The following RFX7 variants were observed in gnomAD, a reference collection of about 807,000 sequenced individuals.
The protein encoded by RFX7 is DNA-binding protein RFX7.
A neutral mutation model predicts 111.8 loss-of-function variants in RFX7; 26 were observed. That is an observed-to-expected ratio of 0.23 (90% confidence interval 0.17 to 0.32). The LOEUF (loss-of-function observed/expected upper bound fraction) is 0.32. Ranked by LOEUF, RFX7 falls within the 10% of genes least tolerant of loss-of-function variation. RFX7 has a pLI of 1.00. For synonymous variants in RFX7, 624 were observed against 624.4 expected, an observed-to-expected ratio of 1.00 and a Z score of 0.01; for missense variants, 1,573 against 1,772.9, an observed-to-expected ratio of 0.89 and a Z score of 2.02.
At chr15:56,141,306 C>T (rs1353588700) in intron 5 of RFX7, among the ~76,000 whole-genome samples, 3 of 151,952 alleles carry the variant, frequency 2.0e-5, no homozygotes, top group Non-Finnish European at 4.4e-5. Flanking sequence ...GTTAAAGCTG[C>T]AGTGAGCTGT....
chr15:56,122,847 A>G (rs1330415879), intron 5 of RFX7, among the ~76,000 whole-genome samples: 1 of 152,018 alleles, frequency 6.6e-6, no homozygotes, highest in Non-Finnish European at 1.5e-5. Flanking sequence ...GGTACTGCCA[A>G]TGTTCACTTA....
At position 56,214,339 on chromosome 15, in the gene RFX7, C is replaced by T. The variant is rs183579377; in HGVS notation, c.161+28786G>A. On this transcript the variant is annotated intron_variant, in intron 2 of 9. Transcript: ENST00000559447. ...AATATATTAAGAAATAAAAAATCTGCGATATTTATTTCAATGAACATGGAA... is the reference window on the plus strand; with the variant it reads ...AATATATTAAGAAATAAAAAATCTGTGATATTTATTTCAATGAACATGGAA... 1.7e-3 allele frequency among the ~76,000 whole-genome samples: 251 copies of T among 151,990 alleles called. 1 individual carries two copies. The highest frequency in any genetic ancestry group is 5.5e-3 in the African/African-American group (228 of 41,438).
chr15:56,166,869 C>G (rs1250769523), intron 3 of RFX7, among the ~76,000 whole-genome samples: 1 of 152,140 alleles, frequency 6.6e-6, no homozygotes, highest in Non-Finnish European at 1.5e-5. Context: ...TCCACCCAGC[C>G]TGAGTAGCTG....
At chr15:56,177,355 T>G (rs2042913878) in intron 3 of RFX7, among the ~76,000 whole-genome samples, 1 of 152,126 alleles carries the variant, frequency 6.6e-6, no homozygotes, top group African/African-American at 2.4e-5. Context: ...GGAGTATCAT[T>G]TATCGTTATC....
intron 3 of RFX7, among the ~76,000 whole-genome samples, chr15:56,150,753 T>C (rs960964464): frequency 6.6e-6 from 1 of 151,978 alleles, no homozygotes; most frequent in Admixed American, 6.5e-5. Flanking sequence ...AGAAGGTGGG[T>C]AATAACGAAC....
intron 5 of RFX7, among the ~76,000 whole-genome samples, chr15:56,120,191 T>C (rs748602478): frequency 2.0e-5 from 3 of 152,232 alleles, no homozygotes; most frequent in African/African-American, 7.2e-5. Flanking sequence ...CATTGTTTTA[T>C]AGTTTTCACT....
intron 5 of RFX7, among the ~76,000 whole-genome samples, chr15:56,136,786 G>A (rs1244384364): frequency 2.8e-5 from 4 of 141,632 alleles, no homozygotes; most frequent in Non-Finnish European, 3.1e-5. Context: ...TTTGAGATAC[G>A]TCCCATCAAT....
intron 2 of RFX7, among the ~76,000 whole-genome samples, chr15:56,216,933 C>A (rs144171677): frequency 8.3e-4 from 126 of 152,240 alleles, no homozygotes; most frequent in African/African-American, 3.0e-3. Flanking sequence ...GAATTACAGG[C>A]ACACACCACC....
chr15:56,137,398 T>A (rs554213775), intron 5 of RFX7, among the ~76,000 whole-genome samples: 1 of 152,338 alleles, frequency 6.6e-6, no homozygotes, highest in East Asian at 1.9e-4. Flanking sequence ...CTAGTTTATT[T>A]GCGTAGAGGT....
intron 2 of RFX7, among the ~76,000 whole-genome samples, chr15:56,208,469 A>T (rs540194675): frequency 6.6e-6 from 1 of 152,324 alleles, no homozygotes; most frequent in South Asian, 2.1e-4. Context: ...AGGCCTATTT[A>T]CAGCAGATCC....
chr15:56,234,006 T>A (rs1223813854), intron 2 of RFX7, among the ~76,000 whole-genome samples: 2 of 152,202 alleles, frequency 1.3e-5, no homozygotes, highest in Admixed American at 1.3e-4. Context: ...GAATCTAATT[T>A]CTGCTAGTGA....
At chr15:56,214,373 CATTT>C in intron 2 of RFX7, among the ~76,000 whole-genome samples, 1 of 152,124 alleles carries the variant, frequency 6.6e-6, no homozygotes, top group East Asian at 1.9e-4. Context: ...AACATGTCTC[CATTT>C]ATTTATGCCT....
chr15:56,129,373 C>T (rs1457862911), intron 5 of RFX7, among the ~76,000 whole-genome samples: 1 of 146,956 alleles, frequency 6.8e-6, no homozygotes, highest in Admixed American at 6.7e-5. Context: ...GAGACTCCCC[C>T]TCAAAAAAAA....
intron 3 of RFX7, among the ~76,000 whole-genome samples, chr15:56,170,746 T>C (rs2042836697): frequency 6.6e-6 from 1 of 152,352 alleles, no homozygotes; most frequent in South Asian, 2.1e-4. Context: ...ACATGGCTAC[T>C]GATTACCATA....
At chr15:56,138,597 A>G (rs1273724337) in intron 5 of RFX7, among the ~76,000 whole-genome samples, 1 of 151,704 alleles carries the variant, frequency 6.6e-6, no homozygotes, top group East Asian at 1.9e-4. Context: ...TTTTAATTGG[A>G]GCATTTAGCC....
In RFX7 at chr15:56,095,937, G is replaced by C; in HGVS notation, c.1791C>G (p.Asp597Glu). 6.2e-7 allele frequency: 1 copy of C among 1,606,966 alleles called. No individual in the cohort carries two copies. The highest frequency in any genetic ancestry group is 8.5e-7 in the Non-Finnish European group (1 of 1,179,762). ...AGCGACTTTTACATTTGGTCCTCTGGTCACAGACCTTAGTTGCTTTTATTT... is the reference window on the plus strand; with the variant it reads ...AGCGACTTTTACATTTGGTCCTCTGCTCACAGACCTTAGTTGCTTTTATTT... Reference protein sequence around the residue: ...VIEIKATKVCDQRTKCKSRCN... With the variant: ...VIEIKATKVCEQRTKCKSRCN... The change falls in exon 10 of 10, where the codon GAC becomes GAG. Residue 597 changes from aspartate (D) to glutamate (E), a missense_variant. Asp to Glu is a conservative substitution (Grantham distance 45). This residue lies in a region of RFX7 where 625 missense variants were observed against 632.2 expected (regional missense o/e 0.99). Transcript: ENST00000559447.
intron 5 of RFX7, among the ~76,000 whole-genome samples, chr15:56,110,373 G>A (rs2041907431): frequency 8.3e-6 from 1 of 119,774 alleles, no homozygotes; most frequent in Non-Finnish European, 1.8e-5. Flanking sequence ...GGGAGGTGGG[G>A]GGGGTCAGCC....
At chr15:56,115,683 A>G (rs2042000647) in intron 5 of RFX7, among the ~76,000 whole-genome samples, 1 of 152,154 alleles carries the variant, frequency 6.6e-6, no homozygotes, top group Non-Finnish European at 1.5e-5. Flanking sequence ...TCAGGCCTGT[A>G]ATCCCAGCAC....
At chr15:56,137,493 G>A (rs1053935361) in intron 5 of RFX7, among the ~76,000 whole-genome samples, 28 of 152,124 alleles carry the variant, frequency 1.8e-4, no homozygotes, top group African/African-American at 6.7e-4. Flanking sequence ...GCATCTATTC[G>A]ATTCTTCTCT....
Sources: allele counts gnomAD v4.1 joint callset (sites outside exome capture counted in the v4.1 genomes callset), GRCh38; gene constraint gnomAD v4.1.1; regional missense constraint gnomAD v4.1.1; transcripts MANE v1.5; gene names NCBI Gene and HGNC (gene_info 2026-07-23, HGNC 2026-07-21).